Variants in MLF1 observed in about 807,000 individuals in gnomAD.
MLF1 encodes myeloid leukemia factor 1, also known as myelodysplasia-myeloid leukemia factor 1.
In MLF1, 37 loss-of-function variants were observed where a neutral mutation model predicts 38.3. The observed-to-expected ratio is 0.96, with a 90% confidence interval of 0.74 to 1.27. MLF1 has a LOEUF of 1.27. Ranked by LOEUF, MLF1 falls within the 50% of genes most tolerant of loss-of-function variation. MLF1 has a pLI of 0.00. For synonymous variants in MLF1, 95 were observed against 106.5 expected (o/e 0.89, Z 0.66); for missense variants, 331 against 349.2 (o/e 0.95, Z 0.42).
chr3:158,588,430 C>T lies in MLF1; in HGVS notation c.48-4004C>T, dbSNP rs530925726. On this transcript the variant is annotated intron_variant, in intron 1 of 7. Coordinates refer to ENST00000466246, the MANE Select transcript of MLF1 (RefSeq NM_001369783.1). ...CATCCTGGCTAACACGGTGAAACCC[C>T]GTCTCTACTAAGTACAAAAAATTAG... Among the ~76,000 whole-genome samples, 15 of 152,120 alleles carry T rather than the reference C, an allele frequency of 9.9e-5. No individual in the cohort carries two copies. The East Asian group carries it at 2.7e-3, about 28-fold the overall frequency.
chr3:158,572,999 G>C (rs1714782046), intron 1 of MLF1, among the ~76,000 whole-genome samples: 2 of 151,776 alleles, frequency 1.3e-5, no homozygotes, highest in African/African-American at 4.9e-5. Context: ...AGCTTCAAGG[G>C]CTTTGCAGGT....
intron 1 of MLF1, among the ~76,000 whole-genome samples, chr3:158,575,752 T>G (rs2108551827): frequency 2.0e-5 from 3 of 152,308 alleles, no homozygotes; most frequent in Admixed American, 2.0e-4. Flanking sequence ...CAATCTGGTA[T>G]TTAGTTGATT....
intron 1 of MLF1, among the ~76,000 whole-genome samples, chr3:158,587,554 A>T (rs1239929546): frequency 2.0e-5 from 3 of 152,206 alleles, no homozygotes; most frequent in Admixed American, 2.0e-4. Flanking sequence ...TTGCCATCAA[A>T]GTTAGAGATA....
intron 1 of MLF1, among the ~76,000 whole-genome samples, chr3:158,583,424 A>C (rs573345460): frequency 1.3e-5 from 2 of 152,354 alleles, no homozygotes; most frequent in Non-Finnish European, 2.9e-5. Flanking sequence ...ATGTTGTTTA[A>C]AAAAGAAATA....
intron 1 of MLF1, among the ~76,000 whole-genome samples, chr3:158,586,790 C>T (rs189831749): frequency 6.9e-6 from 1 of 144,328 alleles, no homozygotes; most frequent in East Asian, 2.0e-4. Context: ...AGAGGAAAAG[C>T]TGATTAAGGA....
Position 158,605,788 on chromosome 3 carries a change from A to C in MLF1, c.*586A>C, listed in dbSNP as rs1046207018. On this transcript the variant is annotated 3_prime_UTR_variant, in exon 8 of 8. Coordinates refer to ENST00000466246, the MANE Select transcript of MLF1 (RefSeq NM_001369783.1). ...AATCAAATAGTTCATTTTCAGAGAA[A>C]AATATTTTAAATTGCTAATGTACAT... The C allele has an allele frequency of 1.1e-5, 2 of 180,220 alleles. No individual in the cohort carries two copies. Among genetic ancestry groups the C allele is most frequent in the Admixed American group, 1.3e-4 (2 of 15,886 alleles). The allele number at this position is 180,220 out of a possible 1,614,324, so 11.2% of individuals were successfully genotyped here.
chr3:158,596,042 G>C (rs368661320), intron 3 of MLF1, among the ~76,000 whole-genome samples: 1 of 152,092 alleles, frequency 6.6e-6, no homozygotes, highest in South Asian at 2.1e-4. Context: ...TTTTGGGCAG[G>C]GTAATTCTTT....
chr3:158,590,998 G>A (rs965399540), intron 1 of MLF1: 3 of 425,904 alleles, frequency 7.0e-6, no homozygotes, highest in Non-Finnish European at 1.4e-5. Flanking sequence ...CCAAGGTAAT[G>A]TGTGAATAAA....
chr3:158,583,777 C>T (rs1158309600), intron 1 of MLF1, among the ~76,000 whole-genome samples: 1 of 152,048 alleles, frequency 6.6e-6, no homozygotes, highest in Non-Finnish European at 1.5e-5. Context: ...AAACTGACAT[C>T]ATGAAAGAGA....
chr3:158,601,485 G>A (rs569231114), intron 6 of MLF1, among the ~76,000 whole-genome samples: 126 of 152,016 alleles, frequency 8.3e-4, no homozygotes, highest in African/African-American at 2.6e-3. Context: ...CAGGAGAATC[G>A]CTTGAACCCA....
intron 3 of MLF1, among the ~76,000 whole-genome samples, chr3:158,594,037 C>T (rs192387430): frequency 9.3e-5 from 14 of 150,738 alleles, no homozygotes; most frequent in African/African-American, 3.0e-4. Flanking sequence ...CTCATGAAAA[C>T]GGTTTTTTTT....
In MLF1 at chr3:158,571,315, G is replaced by A; in HGVS notation, c.15G>A (p.Leu5=). The A allele has an allele frequency of 6.2e-7, 1 of 1,613,016 alleles. No homozygotes were observed. The highest frequency in any genetic ancestry group is 1.1e-5 in the South Asian group (1 of 91,040). Reference sequence around the variant, plus strand: ...ACAGAGCCAGAATGTTCAGGATGCTGAACAGCAGTTTTGAGGATGACCCCT... The same window carrying A: ...ACAGAGCCAGAATGTTCAGGATGCTAAACAGCAGTTTTGAGGATGACCCCT... MFRM[L]NSSFEDDPFF... The change falls in exon 1 of 8, where the codon CTG becomes CTA. Residue 5 remains leucine, a synonymous_variant. Coordinates refer to ENST00000466246, the MANE Select transcript of MLF1 (RefSeq NM_001369783.1).
At chr3:158,591,902 T>A (rs957407803) in intron 1 of MLF1, among the ~76,000 whole-genome samples, 1 of 152,226 alleles carries the variant, frequency 6.6e-6, no homozygotes, top group African/African-American at 2.4e-5. Flanking sequence ...AGGTTTTCAT[T>A]AATTTTATTT....
At chr3:158,592,740 T>C (rs1718340054) in intron 2 of MLF1, among the ~76,000 whole-genome samples, 159 bp downstream of exon 2, 1 of 152,200 alleles carries the variant, frequency 6.6e-6, no homozygotes, top group African/African-American at 2.4e-5. Context: ...AGGTGAATCC[T>C]GAACAGTGAC....
At chr3:158,571,408 T>G in intron 1 of MLF1, 61 bp downstream of exon 1, 10 of 1,607,436 alleles carry the variant, frequency 6.2e-6, no homozygotes, top group Non-Finnish European at 8.5e-6. Flanking sequence ...AGGGGAGCTA[T>G]TTTAAGGGAA....
chr3:158,572,408 T>G (rs1394285117), intron 1 of MLF1, among the ~76,000 whole-genome samples: 3 of 92,154 alleles, frequency 3.3e-5, no homozygotes, highest in Admixed American at 1.1e-4. Flanking sequence ...AGGGCATGAG[T>G]TGGTGGGGAT....
intron 7 of MLF1, among the ~76,000 whole-genome samples, chr3:158,603,155 G>C (rs1720044182): frequency 6.6e-6 from 1 of 152,146 alleles, no homozygotes; most frequent in Admixed American, 6.5e-5. Context: ...TTTATGGTTA[G>C]TAATTCACTA....
rs768065305 is a variant in MLF1 at position 158,596,888 on chromosome 3, A to G, written c.267A>G (p.Thr89=). ...ATACAGATGTCAGCTCTTTCCAGAC[A>G]ATGGACCAAATGGTGTCAAATATGA... ...GMHTDVSSFQ[T]MDQMVSNMRN... The change falls in exon 4 of 8, where the codon ACA becomes ACG. Residue 89 remains threonine, a synonymous_variant. Transcript: ENST00000466246. 2 of 1,609,950 alleles carry G rather than the reference A, an allele frequency of 1.2e-6. No individual in the cohort carries two copies. The highest frequency in any genetic ancestry group is 1.3e-5 in the African/African-American group (1 of 74,818).
intron 5 of MLF1, among the ~76,000 whole-genome samples, chr3:158,599,576 T>A (rs2364274): frequency 0.58 from 87,541 of 152,020 alleles, 25,995 homozygotes; most frequent in African/African-American, 0.72. Flanking sequence ...TCATGTTAGT[T>A]GCTATCAGAA....
Sources: gnomAD v4.1 joint callset for allele counts (sites outside exome capture counted in the v4.1 genomes callset) on GRCh38, gnomAD v4.1.1 for gene constraint, MANE v1.5 for transcripts, NCBI Gene and HGNC (gene_info 2026-07-23, HGNC 2026-07-21) for gene names.